Variants in XNDC1N observed in about 807,000 individuals in gnomAD.
XNDC1N encodes XRCC1 N-terminal domain containing 1, N-terminal like, also known as protein XNDC1N.
At chr11:71,924,595 G>C in the XNDC1N span, among the ~76,000 whole-genome samples, 1 of 151,962 alleles carries the variant, frequency 6.6e-6, no homozygotes, top group Non-Finnish European at 1.5e-5. Flanking sequence ...GGAGAATGGC[G>C]TGAACCCGGG....
chr11:71,896,548 T>C, the XNDC1N span, among the ~76,000 whole-genome samples: 1 of 152,260 alleles, frequency 6.6e-6, no homozygotes, highest in Non-Finnish European at 1.5e-5. Flanking sequence ...GTTTCTGCTC[T>C]TGAAATCATG....
chr11:71,901,139 G>A, the XNDC1N span, among the ~76,000 whole-genome samples: 1 of 152,142 alleles, frequency 6.6e-6, no homozygotes, highest in African/African-American at 2.4e-5. Flanking sequence ...GATCATTCGG[G>A]GCGCATCTCT....
the XNDC1N span, among the ~76,000 whole-genome samples, chr11:71,906,707 G>A: frequency 6.6e-6 from 1 of 152,132 alleles, no homozygotes; most frequent in Non-Finnish European, 1.5e-5. Context: ...TGATTTACGA[G>A]TAACATTTCT....
the XNDC1N span, among the ~76,000 whole-genome samples, chr11:71,918,131 T>C: frequency 6.6e-6 from 1 of 152,246 alleles, no homozygotes; most frequent in Non-Finnish European, 1.5e-5. Flanking sequence ...ACCAGTGGAC[T>C]GGACAGTTCT....
At chr11:71,871,179 A>C in the XNDC1N span, among the ~76,000 whole-genome samples, 13 of 152,344 alleles carry the variant, frequency 8.5e-5, no homozygotes, top group African/African-American at 2.4e-4. Flanking sequence ...ATATATACAC[A>C]GTAGAATACT....
the XNDC1N span, among the ~76,000 whole-genome samples, chr11:71,889,927 C>A: frequency 7.2e-4 from 110 of 152,236 alleles, no homozygotes; most frequent in African/African-American, 2.5e-3. Flanking sequence ...TGATCTGATT[C>A]CTAGATTTCG....
chr11:71,907,478 T>C, the XNDC1N span, among the ~76,000 whole-genome samples: 15 of 9,568 alleles, frequency 1.6e-3, no homozygotes, highest in Non-Finnish European at 0.033. Flanking sequence ...TTGCCCCCCC[T>C]GGCTCTTAGG....
the XNDC1N span, among the ~76,000 whole-genome samples, chr11:71,912,170 G>A: frequency 6.6e-6 from 1 of 152,222 alleles, no homozygotes; most frequent in Admixed American, 6.5e-5. Flanking sequence ...CCGCCAGCAT[G>A]ATGCGAGGCA....
chr11:71,892,413 C>T, the XNDC1N span, among the ~76,000 whole-genome samples: 2 of 151,924 alleles, frequency 1.3e-5, no homozygotes, highest in African/African-American at 4.8e-5. Flanking sequence ...GGGTGTACAC[C>T]CACTGTATTA....
the XNDC1N span, among the ~76,000 whole-genome samples, chr11:71,889,901 C>A: frequency 6.6e-5 from 10 of 152,156 alleles, no homozygotes; most frequent in Admixed American, 2.0e-4. Context: ...CGTGAAGTAA[C>A]CCCTGTGCTT....
the XNDC1N span, among the ~76,000 whole-genome samples, chr11:71,925,657 G>A: frequency 7.9e-5 from 12 of 152,236 alleles, no homozygotes; most frequent in South Asian, 1.9e-3. Context: ...AGCCAGGCGC[G>A]GTGGCTCACG....
the XNDC1N span, among the ~76,000 whole-genome samples, chr11:71,918,670 C>T: frequency 3.9e-5 from 6 of 152,210 alleles, no homozygotes; most frequent in Non-Finnish European, 5.9e-5. Flanking sequence ...TTGAGGAGCG[C>T]CATTCACATT....
At chr11:71,903,707 A>T in the XNDC1N span, 1 of 399,126 alleles carries the variant, frequency 2.5e-6, no homozygotes, top group Non-Finnish European at 4.7e-6. Flanking sequence ...TGATTGCCTT[A>T]CAAATGACCT....
the XNDC1N span, among the ~76,000 whole-genome samples, chr11:71,874,962 C>T: frequency 6.6e-6 from 1 of 152,062 alleles, no homozygotes; most frequent in East Asian, 1.9e-4. Flanking sequence ...AGGTTTTACT[C>T]GCTCCATATA....
At chr11:71,888,014 G>C in the XNDC1N span, among the ~76,000 whole-genome samples, 7 of 152,132 alleles carry the variant, frequency 4.6e-5, no homozygotes, top group African/African-American at 1.7e-4. Context: ...CACCATCTTC[G>C]GGGAGGCGTG....
chr11:71,895,494 TTTTTGTA>T, the XNDC1N span, among the ~76,000 whole-genome samples: 2 of 138,874 alleles, frequency 1.4e-5, no homozygotes, highest in African/African-American at 2.9e-5. Flanking sequence ...TTTTTTTTTT[TTTTTGTA>T]TTGTTAATAG....
the XNDC1N span, among the ~76,000 whole-genome samples, chr11:71,889,340 G>A: frequency 6.6e-6 from 1 of 152,242 alleles, no homozygotes; most frequent in Non-Finnish European, 1.5e-5. Context: ...GGGGACACCA[G>A]CGAGCTTCCA....
the XNDC1N span, among the ~76,000 whole-genome samples, chr11:71,898,664 G>C: frequency 6.6e-6 from 1 of 152,172 alleles, no homozygotes; most frequent in Non-Finnish European, 1.5e-5. Flanking sequence ...GTCTAGAGTA[G>C]TTAAACTCAT....
chr11:71,899,706 A>T, the XNDC1N span, among the ~76,000 whole-genome samples: 130 of 152,346 alleles, frequency 8.5e-4, 1 homozygote, highest in African/African-American at 3.1e-3. Context: ...CTGCCCTTGA[A>T]AGCGGCATAT....
Sources: gnomAD v4.1 joint callset for allele counts (sites outside exome capture counted in the v4.1 genomes callset) on GRCh38, gnomAD v4.1.1 for gene constraint, MANE v1.5 for transcripts, NCBI Gene and HGNC (gene_info 2026-07-23, HGNC 2026-07-21) for gene names.